HPSE2: variants seen among roughly 807,000 people sequenced by gnomAD.
HPSE2 encodes inactive heparanase-2.
HPSE2 carries 38 observed loss-of-function variants against 60.5 expected under a neutral mutation model. The observed-to-expected ratio is 0.63, with a 90% confidence interval of 0.48 to 0.82. The LOEUF (loss-of-function observed/expected upper bound fraction) is 0.82, where lower values mean the gene tolerates loss of function less well. Ranked by LOEUF, HPSE2 falls within the 40% of genes least tolerant of loss-of-function variation. HPSE2 has a pLI of 0.00. For synonymous variants in HPSE2, 295 were observed against 293.2 expected, an observed-to-expected ratio of 1.01 and a Z score of -0.06; for missense variants, 713 against 740.4, an observed-to-expected ratio of 0.96 and a Z score of 0.43.
At chr10:98,601,403 G>C (rs11596819) in intron 9 of HPSE2, among the ~76,000 whole-genome samples, 1,883 of 152,302 alleles carry the variant, frequency 0.012, 22 homozygotes, top group Non-Finnish European at 0.018. Flanking sequence ...CCATCCATCA[G>C]ATTAATCAGA....
chr10:99,219,456 C>T (rs564939578), intron 2 of HPSE2, among the ~76,000 whole-genome samples: 1 of 152,264 alleles, frequency 6.6e-6, no homozygotes, highest in South Asian at 2.1e-4. Flanking sequence ...TCCCAGAAAC[C>T]ACAGACCCAC....
chr10:98,719,722 A>G (rs1015957055), intron 5 of HPSE2, among the ~76,000 whole-genome samples: 1 of 139,816 alleles, frequency 7.2e-6, no homozygotes, highest in African/African-American at 2.8e-5. Context: ...AAAAAAAAAG[A>G]AGAAGAAAAA....
intron 3 of HPSE2, among the ~76,000 whole-genome samples, chr10:98,816,729 T>A (rs1023919516): frequency 6.6e-6 from 1 of 152,208 alleles, no homozygotes; most frequent in Non-Finnish European, 1.5e-5. Flanking sequence ...CAACTTTTTG[T>A]GAAAATCCCT....
the HPSE2 span, among the ~76,000 whole-genome samples, chr10:99,259,297 A>AT: frequency 1.1e-5 from 1 of 89,588 alleles, no homozygotes; most frequent in Non-Finnish European, 2.3e-5. Context: ...CAAGAGCAAA[A>AT]CCCCCCCCAC....
At chr10:98,526,886 C>T (rs1942983023) in intron 9 of HPSE2, among the ~76,000 whole-genome samples, 1 of 152,038 alleles carries the variant, frequency 6.6e-6, no homozygotes, top group African/African-American at 2.4e-5. Context: ...AATTCAAATC[C>T]CTTGCAAAGA....
chr10:99,042,839 G>C (rs1028270217), intron 3 of HPSE2, among the ~76,000 whole-genome samples: 1 of 152,174 alleles, frequency 6.6e-6, no homozygotes, highest in African/African-American at 2.4e-5. Context: ...CTGCAATACA[G>C]AGCAGGGCTG....
chr10:99,133,834 C>A (rs1264656575), intron 3 of HPSE2, among the ~76,000 whole-genome samples: 1 of 152,170 alleles, frequency 6.6e-6, no homozygotes, highest in African/African-American at 2.4e-5. Context: ...GATCACAACT[C>A]CTCTCCAGCA....
intron 3 of HPSE2, among the ~76,000 whole-genome samples, chr10:98,823,860 G>A (rs73330031): frequency 0.038 from 5,744 of 152,080 alleles, 234 homozygotes; most frequent in East Asian, 0.17. Flanking sequence ...AAGATTTAAA[G>A]GACATAATCA....
chr10:99,306,585 A>C, the HPSE2 span, among the ~76,000 whole-genome samples: 1 of 152,132 alleles, frequency 6.6e-6, no homozygotes, highest in Non-Finnish European at 1.5e-5. Context: ...ATATGAATGA[A>C]ATGTTGGGTG....
chr10:99,180,576 T>A (rs1012367359), intron 2 of HPSE2, among the ~76,000 whole-genome samples: 1 of 152,110 alleles, frequency 6.6e-6, no homozygotes, highest in African/African-American at 2.4e-5. Flanking sequence ...CCAGTTAGAA[T>A]GGCGATCATT....
chr10:98,690,382 T>C (rs963636280), intron 6 of HPSE2, among the ~76,000 whole-genome samples: 18 of 151,822 alleles, frequency 1.2e-4, no homozygotes, highest in African/African-American at 3.9e-4. Context: ...CTAATAAACA[T>C]GCAAAAAAAT....
At chr10:99,070,049 T>G (rs1842737154) in intron 3 of HPSE2, among the ~76,000 whole-genome samples, 1 of 152,096 alleles carries the variant, frequency 6.6e-6, no homozygotes, top group African/African-American at 2.4e-5. Flanking sequence ...AAAAGCTTTT[T>G]AAAAAGGTTT....
chr10:99,085,818 T>C (rs1429193784), intron 3 of HPSE2, among the ~76,000 whole-genome samples: 1 of 152,168 alleles, frequency 6.6e-6, no homozygotes, highest in African/African-American at 2.4e-5. Flanking sequence ...CTCAACTATT[T>C]TATCTCCACT....
At chr10:98,510,471 G>A (rs763149972) in intron 9 of HPSE2, among the ~76,000 whole-genome samples, 3 of 152,228 alleles carry the variant, frequency 2.0e-5, no homozygotes, top group Non-Finnish European at 4.4e-5. Context: ...GAGCAAACCA[G>A]TAGAGTGTGC....
intron 3 of HPSE2, among the ~76,000 whole-genome samples, chr10:99,017,565 C>T (rs963709763): frequency 2.0e-5 from 3 of 152,018 alleles, no homozygotes; most frequent in African/African-American, 7.2e-5. Context: ...GGAGTCCCTC[C>T]TCCTCAATTT....
At chr10:99,107,156 C>A (rs1308631353) in intron 3 of HPSE2, among the ~76,000 whole-genome samples, 1 of 152,140 alleles carries the variant, frequency 6.6e-6, no homozygotes, top group Non-Finnish European at 1.5e-5. Context: ...CAGGTGTGAG[C>A]CACCACATCT....
chr10:98,961,464 GT>G (rs1437328951), intron 3 of HPSE2, among the ~76,000 whole-genome samples: 1 of 43,942 alleles, frequency 2.3e-5, no homozygotes, highest in Non-Finnish European at 4.1e-5. Flanking sequence ...TCTCACAGTG[GT>G]TTTGATTTGC....
intron 9 of HPSE2, among the ~76,000 whole-genome samples, chr10:98,542,108 C>A (rs1396067674): frequency 6.6e-6 from 1 of 151,764 alleles, no homozygotes; most frequent in Non-Finnish European, 1.5e-5. Context: ...CTCAAACGGC[C>A]AGGTACTCCT....
At chr10:98,937,202 T>G (rs1044605891) in intron 3 of HPSE2, among the ~76,000 whole-genome samples, 1 of 143,416 alleles carries the variant, frequency 7.0e-6, no homozygotes, top group Non-Finnish European at 1.5e-5. Flanking sequence ...AGGTACCAGG[T>G]TCATCTCACT....
Sources: allele counts gnomAD v4.1 joint callset (sites outside exome capture counted in the v4.1 genomes callset), GRCh38; gene constraint gnomAD v4.1.1; transcripts MANE v1.5; gene names NCBI Gene and HGNC (gene_info 2026-07-23, HGNC 2026-07-21).